Variants in PCDHGA9 observed in about 807,000 individuals in gnomAD.
PCDHGA9 encodes protocadherin gamma-A9.
PCDHGA9 carries 37 observed loss-of-function variants against 62.5 expected under a neutral mutation model. The observed-to-expected ratio is 0.59, with a 90% CI of 0.46 to 0.78. PCDHGA9 has a LOEUF of 0.78. Among genes scored for constraint, PCDHGA9 ranks in the 30% least tolerant of loss-of-function variants. The pLI is 0.00. For synonymous variants in PCDHGA9, 459 were observed against 484.6 expected (o/e 0.95, Z 0.69); for missense variants, 1,138 against 1,166.2 (o/e 0.98, Z 0.35).
At chr5:141,450,297 G>A (rs1414677718) in intron 1 of PCDHGA9, among the ~76,000 whole-genome samples, 3 of 151,838 alleles carry the variant, frequency 2.0e-5, no homozygotes, top group Non-Finnish European at 4.4e-5. Context: ...ACAGGCGTGA[G>A]CCACCATGTG....
chr5:141,433,286 T>C (rs2097581877), intron 1 of PCDHGA9: 2 of 1,143,608 alleles, frequency 1.7e-6, no homozygotes, highest in African/African-American at 1.6e-5. Flanking sequence ...CTCAAACTCC[T>C]AGGCTCAAGC....
intron 1 of PCDHGA9, among the ~76,000 whole-genome samples, chr5:141,462,105 G>A (rs2099031983): frequency 6.6e-6 from 1 of 152,170 alleles, no homozygotes; most frequent in South Asian, 2.1e-4. Flanking sequence ...TTACAGGCAT[G>A]AGCCACTGCA....
At chr5:141,443,872 A>C (rs1446612063) in intron 1 of PCDHGA9, among the ~76,000 whole-genome samples, 4 of 152,212 alleles carry the variant, frequency 2.6e-5, no homozygotes, top group African/African-American at 9.7e-5. Flanking sequence ...AAAATTACTG[A>C]TAAGTCAAGA....
chr5:141,505,434 A>C lies in PCDHGA9; in HGVS notation c.2525A>C (p.Gln842Pro), dbSNP rs1417754900. 1 of 1,614,198 alleles carries C rather than the reference A, an allele frequency of 6.2e-7. No homozygotes were observed. The highest frequency in any genetic ancestry group is 1.7e-5 in the Admixed American group (1 of 60,032). The change falls in exon 3 of 4, where the codon CAG (glutamine) becomes CCG (proline). Residue 842 changes from glutamine (Q) to proline (P), a missense_variant. Gln to Pro is a moderately conservative substitution (Grantham distance 76). Coordinates refer to ENST00000573521, the MANE Select transcript of PCDHGA9 (RefSeq NM_018921.3). ...GACACCGGCACCTGGCCCAACAACCAGTTTGACACAGAGATGCTGCAAGCC... is the reference window on the plus strand; with the variant it reads ...GACACCGGCACCTGGCCCAACAACCCGTTTGACACAGAGATGCTGCAAGCC... ...GDDTGTWPNN[Q>P]FDTEMLQAMI...
At chr5:141,439,727 C>G (rs940325016) in intron 1 of PCDHGA9, 2 of 152,406 alleles carry the variant, frequency 1.3e-5, no homozygotes, top group Non-Finnish European at 2.9e-5. Context: ...AAATTATAAG[C>G]AGGAACGGAA....
intron 1 of PCDHGA9, among the ~76,000 whole-genome samples, chr5:141,455,549 C>G (rs911113181): frequency 1.3e-5 from 2 of 152,042 alleles, no homozygotes; most frequent in Non-Finnish European, 2.9e-5. Flanking sequence ...TCACGTAGCC[C>G]GAGAAAAAGC....
intron 1 of PCDHGA9, among the ~76,000 whole-genome samples, chr5:141,449,345 T>C (rs2154562594): frequency 1.3e-5 from 2 of 151,644 alleles, no homozygotes; most frequent in South Asian, 4.2e-4. Context: ...AGTGGCTCAC[T>C]CCTGTAATCC....
At chr5:141,414,476 C>T (rs1242647918) in intron 1 of PCDHGA9, 1 of 1,613,802 alleles carries the variant, frequency 6.2e-7, no homozygotes, top group African/African-American at 1.3e-5. Flanking sequence ...GGGGGAAGTC[C>T]TCCTCTATCA....
At chr5:141,509,143 C>T (rs1022878562) in intron 3 of PCDHGA9, among the ~76,000 whole-genome samples, 9 of 152,138 alleles carry the variant, frequency 5.9e-5, no homozygotes, top group Non-Finnish European at 1.0e-4. Flanking sequence ...AGGCGCATCC[C>T]GGCTCTCCCC....
chr5:141,504,158 T>G (rs890874880), intron 2 of PCDHGA9, among the ~76,000 whole-genome samples: 1 of 152,222 alleles, frequency 6.6e-6, no homozygotes, highest in Non-Finnish European at 1.5e-5. Context: ...TGAAATAATT[T>G]CATCCTTGGA....
intron 1 of PCDHGA9, chr5:141,424,728 G>A (rs907091181): frequency 1.3e-5 from 2 of 152,102 alleles, no homozygotes; most frequent in African/African-American, 2.4e-5. Flanking sequence ...GGGAGTCATA[G>A]ATTCCTTCTT....
Position 141,477,102 on chromosome 5 carries a change from C to T in PCDHGA9, c.2425-17705C>T. 2.5e-6 allele frequency: 4 copies of T among 1,614,232 alleles called. No homozygotes were observed. The South Asian group carries it at 4.4e-5, about 18-fold the overall frequency. On this transcript the variant is annotated intron_variant, in intron 1 of 3. Coordinates refer to ENST00000573521, the MANE Select transcript of PCDHGA9 (RefSeq NM_018921.3). This position sits in a 1 kb window ranked among gnomAD's most constrained non-coding sequence, Gnocchi z 4.9. Reference sequence around the variant, plus strand: ...TACATCCAGGCCAAAGACAAGGGCGCCAATCCCGAAGGAGCACATTGCAAA... The same window carrying T: ...TACATCCAGGCCAAAGACAAGGGCGTCAATCCCGAAGGAGCACATTGCAAA...
In PCDHGA9 at chr5:141,487,169, G is replaced by A. The variant is rs1259980100; in HGVS notation, c.2425-7638G>A. On this transcript the variant is annotated intron_variant, in intron 1 of 3. Coordinates refer to ENST00000573521, the MANE Select transcript of PCDHGA9 (RefSeq NM_018921.3). The surrounding 1 kb of genome is among the most constrained non-coding windows in gnomAD (Gnocchi z 5.0). ...CTCTGTTACTCTCTTAGTGTCCTTA[G>A]AGGAAGACACTCATCCAGTTGTCCC... 6.2e-7 allele frequency: 1 copy of A among 1,613,086 alleles called. No homozygotes were observed. Among genetic ancestry groups the A allele is most frequent in the South Asian group, 1.1e-5 (1 of 91,072 alleles).
intron 1 of PCDHGA9, chr5:141,414,301 C>A (rs199806270): frequency 1.1e-5 from 18 of 1,613,280 alleles, no homozygotes; most frequent in Non-Finnish European, 1.7e-6. Flanking sequence ...TTTAAATGTG[C>A]ATGATTTAGA....
chr5:141,481,622 G>A (rs957374253), intron 1 of PCDHGA9, among the ~76,000 whole-genome samples: 6 of 151,854 alleles, frequency 4.0e-5, no homozygotes, highest in African/African-American at 1.2e-4. Flanking sequence ...GTTCAAGACC[G>A]GCCTGGCCAA....
chr5:141,444,997 A>G (rs2154560871), intron 1 of PCDHGA9, among the ~76,000 whole-genome samples: 1 of 152,292 alleles, frequency 6.6e-6, no homozygotes, highest in Admixed American at 6.5e-5. Context: ...ATATATTTCC[A>G]TTTAATTAGG....
At chr5:141,461,614 T>G (rs954890718) in intron 1 of PCDHGA9, among the ~76,000 whole-genome samples, 11 of 152,208 alleles carry the variant, frequency 7.2e-5, no homozygotes, top group Non-Finnish European at 1.2e-4. Flanking sequence ...TTCAAAGTAT[T>G]TTCTAATACA....
chr5:141,441,852 G>T (rs1169073404), intron 1 of PCDHGA9: 2 of 352,708 alleles, frequency 5.7e-6, no homozygotes, highest in African/African-American at 2.2e-5. Flanking sequence ...TGGATATGGT[G>T]CTGCACGCCG....
chr5:141,441,813 A>T, intron 1 of PCDHGA9: 1 of 365,242 alleles, frequency 2.7e-6, no homozygotes, highest in South Asian at 2.3e-5. Context: ...GCTGTACCCC[A>T]GCTCTGGAGC....
Sources: gnomAD v4.1 joint callset for allele counts (sites outside exome capture counted in the v4.1 genomes callset) on GRCh38, gnomAD v4.1.1 for gene constraint, Gnocchi (gnomAD v3.1) non-coding constraint, MANE v1.5 for transcripts, NCBI Gene and HGNC (gene_info 2026-07-23, HGNC 2026-07-21) for gene names.